Variants in PALMD observed in about 807,000 individuals in gnomAD.
PALMD encodes the protein paralemmin-like protein.
In PALMD, 42 loss-of-function variants were observed where a neutral mutation model predicts 56.2. That is an observed-to-expected ratio of 0.75 (90% CI 0.58 to 0.97). PALMD has a LOEUF of 0.97. Ranked by LOEUF, PALMD falls within the 50% of genes least tolerant of loss-of-function variation. The probability of loss-of-function intolerance (pLI) is 0.00; values close to 1 mark genes in which losing one functional copy is unlikely to be tolerated. For synonymous variants in PALMD, 242 were observed against 222.9 expected (o/e 1.09, Z -0.76); for missense variants, 660 against 643.8 (o/e 1.03, Z -0.27).
At chr1:99,650,679 T>C (rs1382123116) in intron 1 of PALMD, among the ~76,000 whole-genome samples, 1 of 152,126 alleles carries the variant, frequency 6.6e-6, no homozygotes, top group Non-Finnish European at 1.5e-5. Flanking sequence ...TGGCCCTTGT[T>C]CAAAAAATAT....
chr1:99,679,253 T>C (rs1300547589), intron 3 of PALMD, among the ~76,000 whole-genome samples: 6 of 152,202 alleles, frequency 3.9e-5, no homozygotes, highest in African/African-American at 7.2e-5. Context: ...GGTAGTTACA[T>C]TGAAACTGCA....
At chr1:99,679,325 AAAC>A (rs1653286073) in intron 3 of PALMD, among the ~76,000 whole-genome samples, 1 of 152,214 alleles carries the variant, frequency 6.6e-6, no homozygotes, top group Non-Finnish European at 1.5e-5. Context: ...TAATTACTTT[AAAC>A]AACACAGTCT....
At chr1:99,662,553 T>C (rs577758251) in intron 2 of PALMD, among the ~76,000 whole-genome samples, 154 bp downstream of exon 2, 1 of 152,368 alleles carries the variant, frequency 6.6e-6, no homozygotes, top group East Asian at 1.9e-4. Flanking sequence ...AACAAGCTAG[T>C]AACATTTGCA....
At chr1:99,693,923 G>A in intron 7 of PALMD, 96 bp from the exon 8 acceptor site, 1 of 765,596 alleles carries the variant, frequency 1.3e-6, no homozygotes, top group South Asian at 1.6e-5. Flanking sequence ...ACCATCTGAG[G>A]TATGTTCTAA....
At chr1:99,691,133 T>C (rs764470437) in intron 7 of PALMD, among the ~76,000 whole-genome samples, 1 of 152,186 alleles carries the variant, frequency 6.6e-6, no homozygotes. Context: ...ACTAAGTTTC[T>C]TTCCATCTTA....
chr1:99,681,107 G>A (rs35039970), intron 3 of PALMD, among the ~76,000 whole-genome samples: 2,370 of 11,916 alleles, frequency 0.2, 28 homozygotes, highest in African/African-American at 0.46. Flanking sequence ...GTGTATATAT[G>A]TGTGTGTGTG....
chr1:99,694,144 T>C lies in PALMD; in HGVS notation c.*82T>C. 3.0e-6 allele frequency: 3 copies of C among 1,004,224 alleles called. No homozygotes were observed. Among genetic ancestry groups the C allele is most frequent in the Admixed American group, 2.4e-5 (1 of 41,486 alleles). 62.2% of individuals were successfully genotyped at this position (1,004,224 alleles called of 1,614,324 possible). On this transcript the variant is annotated 3_prime_UTR_variant, in exon 8 of 8. Coordinates refer to ENST00000263174, the MANE Select transcript of PALMD (RefSeq NM_017734.5). Reference sequence around the variant, plus strand: ...ATTTCTCTTCTGGATATTTTGTTTATTTTTTCTGAAGTCCAAAAAATTATC... The same window carrying C: ...ATTTCTCTTCTGGATATTTTGTTTACTTTTTCTGAAGTCCAAAAAATTATC...
intron 1 of PALMD, among the ~76,000 whole-genome samples, chr1:99,646,701 G>A (rs893816482): frequency 5.3e-5 from 8 of 152,132 alleles, no homozygotes; most frequent in Non-Finnish European, 1.2e-4. Flanking sequence ...ACTGGCATTA[G>A]ATAAAAAAAC....
chr1:99,662,236 C>A, intron 1 of PALMD, 83 bp from the exon 2 acceptor site: 1 of 729,388 alleles, frequency 1.4e-6, no homozygotes, highest in South Asian at 1.6e-5. Flanking sequence ...AGTAACGGGC[C>A]ATTCAGATAG....
chr1:99,665,862 A>G (rs1652948396), intron 2 of PALMD, among the ~76,000 whole-genome samples: 1 of 152,210 alleles, frequency 6.6e-6, no homozygotes, highest in South Asian at 2.1e-4. Context: ...CCAGGAGCTG[A>G]ATCTTGACCA....
At chr1:99,653,365 T>G (rs12089480) in intron 1 of PALMD, among the ~76,000 whole-genome samples, 1,643 of 152,264 alleles carry the variant, frequency 0.011, 32 homozygotes, top group African/African-American at 0.037. Flanking sequence ...GGTTTGGTTT[T>G]GTTTTGTCAC....
At chr1:99,659,821 A>C (rs1443461262) in intron 1 of PALMD, among the ~76,000 whole-genome samples, 6 of 152,204 alleles carry the variant, frequency 3.9e-5, no homozygotes, top group Non-Finnish European at 8.8e-5. Flanking sequence ...TTTCCTTCCT[A>C]CCTACCTAGA....
chr1:99,648,201 C>T lies in PALMD; in HGVS notation c.45+1839C>T, dbSNP rs141454474. ...TTGTATAAAGGTTGTAGGGAAAAAA[C>T]TGGAAAAAGTTTATGGGAACAAATT... is the stretch of plus-strand genomic sequence containing the variant. On this transcript the variant is annotated intron_variant, in intron 1 of 7. Transcript: ENST00000263174. Among the ~76,000 whole-genome samples, 743 of 152,198 alleles carry T rather than the reference C, an allele frequency of 4.9e-3. 3 individuals carry two copies. Among genetic ancestry groups the T allele is most frequent in the African/African-American group, 0.017 (694 of 41,524 alleles).
At chr1:99,692,958 C>T (rs1409116392) in intron 7 of PALMD, among the ~76,000 whole-genome samples, 1 of 152,164 alleles carries the variant, frequency 6.6e-6, no homozygotes, top group Non-Finnish European at 1.5e-5. Flanking sequence ...GGAAATAATG[C>T]TCTTTAGCTT....
chr1:99,662,049 T>C (rs1652859501), intron 1 of PALMD, among the ~76,000 whole-genome samples: 1 of 152,224 alleles, frequency 6.6e-6, no homozygotes, highest in Non-Finnish European at 1.5e-5. Flanking sequence ...TCAATCTTGC[T>C]AGACTAATGG....
In PALMD at chr1:99,689,695, A is replaced by T; in HGVS notation, c.1435A>T (p.Thr479Ser). The change falls in exon 7 of 8, where the codon ACA becomes TCA. Residue 479 changes from threonine to serine, a missense_variant. By Grantham distance (58) the Thr-to-Ser change is moderately conservative. Coordinates refer to ENST00000263174, the MANE Select transcript of PALMD (RefSeq NM_017734.5). ...HSQVYQPAKP[T>S]PLPRKRSEAS... The stretch of plus-strand genomic sequence containing the variant: ...TCAGGTGTACCAGCCAGCCAAACCA[A>T]CACCACTTCCTAGAAAAAGATCAGA... The T allele has an allele frequency of 6.2e-7, 1 of 1,613,814 alleles. No individual in the cohort carries two copies. The highest frequency in any genetic ancestry group is 8.5e-7 in the Non-Finnish European group (1 of 1,179,874).
intron 3 of PALMD, chr1:99,685,801 CAT>C (rs1653479436): frequency 6.6e-6 from 1 of 152,192 alleles, no homozygotes; most frequent in Admixed American, 6.5e-5. Context: ...GCTGAGAAAC[CAT>C]GTGTGTTACG....
chr1:99,693,979 A>G, intron 7 of PALMD, 40 bp from the exon 8 acceptor site: 6 of 1,479,790 alleles, frequency 4.1e-6, no homozygotes, highest in Non-Finnish European at 5.6e-6. Context: ...AAAATTGAGG[A>G]TTTTTTTTAT....
At position 99,668,016 on chromosome 1, in the gene PALMD, T is replaced by A. The variant is rs143615804; in HGVS notation, c.251+250T>A. 803 of 389,444 alleles carry A rather than the reference T, an allele frequency of 2.1e-3. 12 individuals carry two copies. In the Admixed American group the frequency reaches 0.028, roughly 13 times the overall value. 24.1% of individuals were successfully genotyped at this position (389,444 alleles called of 1,614,324 possible). A position where few individuals can be genotyped will look rare whatever the true frequency, so the allele number is the denominator to read the frequency against. The stretch of plus-strand genomic sequence containing the variant: ...GCCTCAGCCTCCTGAGTAGCTAGGA[T>A]GATGGGCACCCACAACCAATGCTTG... On this transcript the variant is annotated intron_variant, in intron 3 of 7. Transcript: ENST00000263174.
Sources: allele counts gnomAD v4.1 joint callset (sites outside exome capture counted in the v4.1 genomes callset), GRCh38; gene constraint gnomAD v4.1.1; transcripts MANE v1.5; gene names NCBI Gene and HGNC (gene_info 2026-07-23, HGNC 2026-07-21).